QKI: variants seen among roughly 807,000 people sequenced by gnomAD.
QKI encodes QKI, KH domain containing RNA binding.
Under a neutral mutation model 39.0 loss-of-function variants are expected in QKI, and 10 were observed. The observed-to-expected ratio is 0.26, with a 90% CI of 0.16 to 0.43. The LOEUF (loss-of-function observed/expected upper bound fraction) is 0.43. Ranked by LOEUF, QKI falls within the 20% of genes least tolerant of loss-of-function variation. QKI has a pLI of 1.00. For synonymous variants in QKI, 204 were observed against 155.4 expected (o/e 1.31, Z -2.33); for missense variants, 218 against 428.0 (o/e 0.51, Z 4.33).
intron 1 of QKI, among the ~76,000 whole-genome samples, chr6:163,422,388 T>A (rs893499548): frequency 1.3e-5 from 2 of 152,208 alleles, no homozygotes; most frequent in Admixed American, 6.5e-5. Context: ...ATAAGCAGAA[T>A]GTGTCATATT....
At chr6:163,498,943 G>C (rs1778576266) in intron 3 of QKI, among the ~76,000 whole-genome samples, 1 of 152,094 alleles carries the variant, frequency 6.6e-6, no homozygotes, top group Non-Finnish European at 1.5e-5. Flanking sequence ...TTGGGGATGA[G>C]ACCGAATACT....
chr6:163,514,851 T>A (rs549471003), intron 3 of QKI, among the ~76,000 whole-genome samples: 2 of 152,150 alleles, frequency 1.3e-5, no homozygotes, highest in Admixed American at 6.6e-5. Flanking sequence ...TAAAGCAGGA[T>A]TACTGACTAG....
Position 163,530,948 on chromosome 6 carries a change from T to C in QKI, c.403-4034T>C, listed in dbSNP as rs184421172. Among the ~76,000 whole-genome samples, 983 of 152,264 alleles carry C rather than the reference T, an allele frequency of 6.5e-3. 3 individuals carry two copies. Among genetic ancestry groups the C allele is most frequent in the Non-Finnish European group, 9.4e-3 (642 of 68,012 alleles). ...TCCCTCTGCTTTCTTTTTCTTTATA[T>C]TGGTAGTTGGACATCGTCATTTCAG... is the stretch of plus-strand genomic sequence containing the variant. On this transcript the variant is annotated intron_variant, in intron 3 of 7. Transcript: ENST00000361752.
chr6:163,534,745 T>C (rs1781088574), intron 3 of QKI, among the ~76,000 whole-genome samples: 2 of 152,250 alleles, frequency 1.3e-5, no homozygotes, highest in Admixed American at 1.3e-4. Context: ...CATCTGGTTC[T>C]GTGCCTGGTA....
At chr6:163,438,831 T>C (rs1789509853) in intron 1 of QKI, among the ~76,000 whole-genome samples, 1 of 152,128 alleles carries the variant, frequency 6.6e-6, no homozygotes, top group South Asian at 2.1e-4. Context: ...TTATAAAAGA[T>C]ATTTTTCTTA....
At position 163,557,012 on chromosome 6, in the gene QKI, T is replaced by C. The variant is rs141762388; in HGVS notation, c.547-4970T>C. On this transcript the variant is annotated intron_variant, in intron 4 of 7. Transcript: ENST00000361752. ...TTTATCCAAGATAAATGAAAACTTA[T>C]ATTTGCAAGGAAGCCTTATATGAGA... Among the ~76,000 whole-genome samples the C allele has an allele frequency of 3.6e-4, 55 of 152,332 alleles. No homozygotes were observed. The East Asian group carries it at 6.4e-3, about 18-fold the overall frequency.
intron 3 of QKI, among the ~76,000 whole-genome samples, chr6:163,500,772 A>G (rs1334847907): frequency 6.6e-6 from 1 of 152,232 alleles, no homozygotes; most frequent in East Asian, 1.9e-4. Context: ...GTCGAAGTTA[A>G]GGAAAGTTGA....
chr6:163,517,081 TTC>T (rs757701002), intron 3 of QKI, among the ~76,000 whole-genome samples: 2,938 of 97,478 alleles, frequency 0.03, 44 homozygotes, highest in Non-Finnish European at 0.039. Flanking sequence ...CTCTCTCTCT[TTC>T]TCTCTCTCTC....
intron 4 of QKI, among the ~76,000 whole-genome samples, chr6:163,548,663 T>TTGAGAC (rs1782036854): frequency 6.6e-6 from 1 of 152,052 alleles, no homozygotes; most frequent in South Asian, 2.1e-4. Context: ...GTGAGAGAGA[T>TTGAGAC]TGAGGTGAGG....
intron 1 of QKI, among the ~76,000 whole-genome samples, chr6:163,439,340 GTT>G (rs573449244): frequency 9.3e-6 from 1 of 107,718 alleles, no homozygotes; most frequent in African/African-American, 3.4e-5. Context: ...GTTTTTTTTT[GTT>G]TTTTTTTTTT....
intron 3 of QKI, among the ~76,000 whole-genome samples, chr6:163,491,175 A>G (rs906324906): frequency 6.6e-6 from 1 of 152,222 alleles, no homozygotes. Flanking sequence ...CACTAAAAAA[A>G]TTCAATCCAT....
At chr6:163,463,640 T>C (rs1000444619) in intron 2 of QKI, among the ~76,000 whole-genome samples, 4 of 152,116 alleles carry the variant, frequency 2.6e-5, no homozygotes, top group Non-Finnish European at 4.4e-5. Context: ...GCTGAAACCA[T>C]TCAAAACAAA....
At chr6:163,501,449 A>G (rs981091631) in intron 3 of QKI, among the ~76,000 whole-genome samples, 8 of 152,208 alleles carry the variant, frequency 5.3e-5, no homozygotes, top group South Asian at 2.1e-4. Flanking sequence ...TCTAATTGCT[A>G]TGTAATCAAA....
chr6:163,537,734 C>G (rs1252074004), intron 4 of QKI, among the ~76,000 whole-genome samples: 2 of 152,196 alleles, frequency 1.3e-5, no homozygotes, highest in African/African-American at 4.8e-5. Flanking sequence ...CTTCCTGTCT[C>G]TCTCAGATTT....
At chr6:163,489,024 GT>G (rs1289651743) in intron 3 of QKI, among the ~76,000 whole-genome samples, 1 of 136,078 alleles carries the variant, frequency 7.3e-6, no homozygotes, top group African/African-American at 2.7e-5. Flanking sequence ...TTTTGTGTGT[GT>G]ATCTGTGTAT....
At chr6:163,435,130 G>A (rs1789153385) in intron 1 of QKI, among the ~76,000 whole-genome samples, 1 of 152,148 alleles carries the variant, frequency 6.6e-6, no homozygotes, top group South Asian at 2.1e-4. Context: ...TAGATTAGTT[G>A]CATATTATCC....
At chr6:163,494,961 G>A (rs1261292168) in intron 3 of QKI, among the ~76,000 whole-genome samples, 5 of 150,530 alleles carry the variant, frequency 3.3e-5, no homozygotes, top group Non-Finnish European at 7.5e-5. Flanking sequence ...TGTCGTCCAG[G>A]CTGGAGTGCA....
rs1307262032 is a variant in QKI at position 163,576,571 on chromosome 6, A to G, written c.*5861A>G. On this transcript the variant is annotated 3_prime_UTR_variant, in exon 8 of 8. Transcript: ENST00000361752. ...AAACATTTAAAATTTTACTGTGGAA[A>G]TTGTGTATATATATATATATAGTCG... is the stretch of plus-strand genomic sequence containing the variant. The G allele has an allele frequency of 6.7e-6, 1 of 150,358 alleles. No individual in the cohort carries two copies. The highest frequency in any genetic ancestry group is 1.5e-5 in the Non-Finnish European group (1 of 67,830). The allele number at this position is 150,358 out of a possible 1,614,324, so 9.3% of individuals were successfully genotyped here.
intron 4 of QKI, among the ~76,000 whole-genome samples, chr6:163,543,234 T>C (rs1026658711): frequency 1.3e-5 from 2 of 152,052 alleles, no homozygotes; most frequent in African/African-American, 4.8e-5. Flanking sequence ...TATTGATCAT[T>C]GAAATTTGTG....
Sources: allele counts gnomAD v4.1 joint callset (sites outside exome capture counted in the v4.1 genomes callset), GRCh38; gene constraint gnomAD v4.1.1; transcripts MANE v1.5; gene names NCBI Gene and HGNC (gene_info 2026-07-23, HGNC 2026-07-21).